The following TRPS1 variants were observed in gnomAD, a reference collection of about 807,000 sequenced individuals.
TRPS1 encodes zinc finger transcription factor Trps1.
TRPS1 carries 6 observed loss-of-function variants against 101.2 expected under a neutral mutation model. The observed-to-expected ratio is 0.06, with a 90% confidence interval of 0.03 to 0.12. TRPS1 has a LOEUF of 0.12. Ranked by LOEUF, TRPS1 falls within the 10% of genes least tolerant of loss-of-function variation. TRPS1 has a pLI of 1.00. For synonymous variants in TRPS1, 578 were observed against 589.8 expected (o/e 0.98, Z 0.29); for missense variants, 1,363 against 1,567.0 (o/e 0.87, Z 2.20).
intron 5 of TRPS1, among the ~76,000 whole-genome samples, chr8:115,558,743 T>C (rs1289474324): frequency 6.6e-6 from 1 of 152,154 alleles, no homozygotes; most frequent in African/African-American, 2.4e-5. Context: ...TTATGACAAA[T>C]TGCATACGCT....
chr8:115,659,575 T>C (rs1811748545), intron 1 of TRPS1, among the ~76,000 whole-genome samples: 1 of 151,966 alleles, frequency 6.6e-6, no homozygotes, highest in Non-Finnish European at 1.5e-5. Context: ...TTAATATATA[T>C]ATGACCTGTC....
rs1816198416 is a variant in TRPS1 at position 115,533,452 on chromosome 8, T to TTTTTTTTTTTTTTTTTTTTTTTA, written c.2700+53548_2700+53549insTAAAAAAAAAAAAAAAAAAAAAA. On this transcript the variant is annotated intron_variant, in intron 5 of 6. Transcript: ENST00000395715. The stretch of plus-strand genomic sequence containing the variant: ...ATGTAATCTGTTTTTTTTTTTTTTT[T>TTTTTTTTTTTTTTTTTTTTTTTA]TTTTTTTCCTGAAAAAAATCATGAG... 1.5e-5 allele frequency among the ~76,000 whole-genome samples: 2 copies of TTTTTTTTTTTTTTTTTTTTTTTA among 134,440 alleles called. 1 individual carries two copies. Among genetic ancestry groups the TTTTTTTTTTTTTTTTTTTTTTTA allele is most frequent in the Non-Finnish European group, 3.1e-5 (2 of 64,390 alleles). The allele number at this position is 134,440 out of a possible 152,430, so 88.2% of individuals were successfully genotyped here. A position where few individuals can be genotyped will look rare whatever the true frequency, so the allele number is the denominator to read the frequency against.
intron 5 of TRPS1, among the ~76,000 whole-genome samples, chr8:115,434,624 G>A (rs962157197): frequency 6.6e-6 from 1 of 152,096 alleles, no homozygotes; most frequent in African/African-American, 2.4e-5. Flanking sequence ...TTTTTAACTT[G>A]GCAATATTGG....
intron 5 of TRPS1, among the ~76,000 whole-genome samples, chr8:115,515,636 C>T (rs1815692130): frequency 6.6e-6 from 1 of 151,248 alleles, no homozygotes; most frequent in Admixed American, 6.6e-5. Context: ...TCTTATAATA[C>T]TTAGTAATAA....
At chr8:115,493,127 A>C (rs367941626) in intron 5 of TRPS1, among the ~76,000 whole-genome samples, 3 of 152,132 alleles carry the variant, frequency 2.0e-5, no homozygotes, top group Non-Finnish European at 4.4e-5. Flanking sequence ...CCTGCACCTG[A>C]ATATCCACCC....
intron 5 of TRPS1, chr8:115,509,593 C>A (rs1336007774): frequency 6.6e-6 from 1 of 151,978 alleles, no homozygotes; most frequent in Non-Finnish European, 1.5e-5. Flanking sequence ...ATGTTCTTAT[C>A]ATTTTACAGA....
chr8:115,590,518 G>T (rs748240454), intron 4 of TRPS1, among the ~76,000 whole-genome samples: 2 of 152,168 alleles, frequency 1.3e-5, no homozygotes, highest in African/African-American at 2.4e-5. Flanking sequence ...AAATACCAGG[G>T]TGACAAGAAG....
chr8:115,561,480 T>C (rs1289265154), intron 5 of TRPS1, among the ~76,000 whole-genome samples: 1 of 151,978 alleles, frequency 6.6e-6, no homozygotes, highest in African/African-American at 2.4e-5. Flanking sequence ...GTTTTTTTTT[T>C]TCTCTTAATT....
intron 6 of TRPS1, among the ~76,000 whole-genome samples, chr8:115,416,489 T>C (rs800902): frequency 0.58 from 86,156 of 148,754 alleles, 26,306 homozygotes; most frequent in African/African-American, 0.78. Flanking sequence ...TTATAAATTA[T>C]ACATTATGTG....
At chr8:115,594,904 T>C (rs1353728138) in intron 4 of TRPS1, among the ~76,000 whole-genome samples, 2 of 151,888 alleles carry the variant, frequency 1.3e-5, no homozygotes, top group Non-Finnish European at 3.0e-5. Flanking sequence ...TTCTTTTAAA[T>C]GTTAACTTGA....
At chr8:115,569,855 T>C (rs1817158596) in intron 5 of TRPS1, among the ~76,000 whole-genome samples, 1 of 152,032 alleles carries the variant, frequency 6.6e-6, no homozygotes, top group South Asian at 2.1e-4. Flanking sequence ...ATAATATAGC[T>C]GTGTAGAAAG....
At chr8:115,596,428 CAAAT>C (rs901298901) in intron 4 of TRPS1, among the ~76,000 whole-genome samples, 8 of 151,716 alleles carry the variant, frequency 5.3e-5, no homozygotes, top group South Asian at 2.1e-4. Flanking sequence ...TAGTGACATA[CAAAT>C]AAATAAACAC....
chr8:115,483,656 T>C (rs1814810948), intron 5 of TRPS1, among the ~76,000 whole-genome samples: 1 of 152,134 alleles, frequency 6.6e-6, no homozygotes, highest in Admixed American at 6.5e-5. Context: ...AGCAAGGAAG[T>C]GGCAAGGTCA....
At chr8:115,495,349 A>G (rs748490739) in intron 5 of TRPS1, among the ~76,000 whole-genome samples, 10 of 151,994 alleles carry the variant, frequency 6.6e-5, no homozygotes, top group Non-Finnish European at 1.2e-4. Flanking sequence ...CTGTTGTTCA[A>G]TTGCTCCCAA....
chr8:115,642,850 ATATATATAT>A (rs1563665450), intron 1 of TRPS1, among the ~76,000 whole-genome samples: 2 of 124,462 alleles, frequency 1.6e-5, no homozygotes, highest in African/African-American at 6.6e-5. Flanking sequence ...GTGAAAAAAA[ATATATATAT>A]ATATAAATAT....
intron 5 of TRPS1, among the ~76,000 whole-genome samples, chr8:115,476,512 C>A (rs762317686): frequency 6.6e-6 from 1 of 152,112 alleles, no homozygotes; most frequent in Non-Finnish European, 1.5e-5. Flanking sequence ...TCCTGAAGTT[C>A]GGCCAACTAA....
intron 5 of TRPS1, among the ~76,000 whole-genome samples, chr8:115,545,187 A>T (rs62513033): frequency 1.1e-3 from 170 of 152,294 alleles, no homozygotes; most frequent in Non-Finnish European, 2.1e-3. Context: ...AACTACTATC[A>T]AATGCAGTCA....
chr8:115,495,638 T>C (rs137900833), intron 5 of TRPS1, among the ~76,000 whole-genome samples: 27 of 151,698 alleles, frequency 1.8e-4, no homozygotes, highest in African/African-American at 5.8e-4. Context: ...CACATGAAAA[T>C]AGGATTAGTT....
intron 5 of TRPS1, among the ~76,000 whole-genome samples, chr8:115,544,158 C>T (rs570511469): frequency 5.4e-5 from 8 of 149,290 alleles, no homozygotes; most frequent in African/African-American, 7.4e-5. Context: ...AAGAAACAAG[C>T]GGCTAAGAGG....
Sources: allele counts gnomAD v4.1 joint callset (sites outside exome capture counted in the v4.1 genomes callset), GRCh38; gene constraint gnomAD v4.1.1; transcripts MANE v1.5; gene names NCBI Gene and HGNC (gene_info 2026-07-23, HGNC 2026-07-21).